SMAP1: variants seen among roughly 807,000 people sequenced by gnomAD.
SMAP1 encodes the protein small ArfGAP 1.
SMAP1 carries 24 observed loss-of-function variants against 58.5 expected under a neutral mutation model. That is an observed-to-expected ratio of 0.41 (90% confidence interval 0.30 to 0.58). The LOEUF is 0.58. Among genes scored for constraint, SMAP1 ranks in the 20% least tolerant of loss-of-function variants. SMAP1 has a pLI of 0.29. For synonymous variants in SMAP1, 216 were observed against 196.6 expected, an observed-to-expected ratio of 1.10 and a Z score of -0.82; for missense variants, 563 against 566.3, an observed-to-expected ratio of 0.99 and a Z score of 0.06.
At chr6:70,677,751 C>T (rs575087124) in intron 1 of SMAP1, among the ~76,000 whole-genome samples, 35 of 152,142 alleles carry the variant, frequency 2.3e-4, no homozygotes, top group African/African-American at 8.2e-4. Context: ...TAAAGCTTTT[C>T]ACTGATGATT....
chr6:70,853,122 A>T (rs1182844748), intron 8 of SMAP1, among the ~76,000 whole-genome samples: 1 of 152,172 alleles, frequency 6.6e-6, no homozygotes, highest in Non-Finnish European at 1.5e-5. Context: ...AAGTTCTAGC[A>T]AATTTAGTAC....
intron 1 of SMAP1, among the ~76,000 whole-genome samples, chr6:70,677,672 A>G (rs1203938597): frequency 1.3e-5 from 2 of 151,036 alleles, no homozygotes; most frequent in African/African-American, 4.9e-5. Flanking sequence ...AAAAAATTAT[A>G]TTATTGAGAG....
chr6:70,706,570 T>C (rs1767846983), intron 1 of SMAP1, among the ~76,000 whole-genome samples: 1 of 152,216 alleles, frequency 6.6e-6, no homozygotes, highest in African/African-American at 2.4e-5. Context: ...TTGGTTGTTT[T>C]ATTGGCAGAT....
chr6:70,803,754 T>TA (rs977850381), intron 6 of SMAP1, among the ~76,000 whole-genome samples: 2 of 152,012 alleles, frequency 1.3e-5, no homozygotes, highest in Non-Finnish European at 2.9e-5. Flanking sequence ...CTTTACTCAG[T>TA]AGTCATTCAG....
intron 6 of SMAP1, among the ~76,000 whole-genome samples, chr6:70,830,141 A>G (rs1770300561): frequency 6.6e-6 from 1 of 152,232 alleles, no homozygotes; most frequent in Non-Finnish European, 1.5e-5. Context: ...TTTGTTTAAT[A>G]AATTATAGAT....
At chr6:70,716,104 A>G (rs981746859) in intron 1 of SMAP1, among the ~76,000 whole-genome samples, 5 of 152,242 alleles carry the variant, frequency 3.3e-5, no homozygotes, top group African/African-American at 1.2e-4. Context: ...CATCATACAG[A>G]TACATACCAC....
At chr6:70,805,057 G>T (rs577078239) in intron 6 of SMAP1, among the ~76,000 whole-genome samples, 18 of 152,084 alleles carry the variant, frequency 1.2e-4, no homozygotes, top group African/African-American at 4.1e-4. Flanking sequence ...GTCTTGCTAG[G>T]TTGGGTACGT....
chr6:70,828,988 G>A (rs777723764), intron 6 of SMAP1, among the ~76,000 whole-genome samples: 8 of 152,314 alleles, frequency 5.3e-5, no homozygotes, highest in African/African-American at 1.2e-4. Flanking sequence ...CAAGGCTGCC[G>A]TGAGCTGCGA....
At chr6:70,753,147 A>G (rs1766346189) in intron 2 of SMAP1, among the ~76,000 whole-genome samples, 1 of 152,098 alleles carries the variant, frequency 6.6e-6, no homozygotes, top group Non-Finnish European at 1.5e-5. Context: ...TAAGAAGCAC[A>G]TCCACTTTAC....
At chr6:70,710,813 T>G (rs1028394148) in intron 1 of SMAP1, among the ~76,000 whole-genome samples, 3 of 152,206 alleles carry the variant, frequency 2.0e-5, no homozygotes, top group Non-Finnish European at 4.4e-5. Context: ...ATACAAGGCA[T>G]TTTCTTTATA....
intron 6 of SMAP1, among the ~76,000 whole-genome samples, chr6:70,812,223 G>A (rs1049639219): frequency 1.3e-5 from 2 of 152,148 alleles, no homozygotes; most frequent in African/African-American, 2.4e-5. Context: ...ATATAGTTGT[G>A]TATATGAAGA....
intron 1 of SMAP1, among the ~76,000 whole-genome samples, chr6:70,706,727 A>G (rs954757235): frequency 5.9e-5 from 9 of 152,228 alleles, no homozygotes; most frequent in African/African-American, 1.4e-4. Context: ...GGCGCTCTCT[A>G]TTAATCCAAA....
intron 1 of SMAP1, among the ~76,000 whole-genome samples, chr6:70,673,056 G>A (rs555767401): frequency 6.6e-6 from 1 of 152,236 alleles, no homozygotes; most frequent in African/African-American, 2.4e-5. Flanking sequence ...GAGGGCAAGA[G>A]GACCTAAATT....
chr6:70,695,529 G>C (rs1197462848), intron 1 of SMAP1, among the ~76,000 whole-genome samples: 1 of 152,106 alleles, frequency 6.6e-6, no homozygotes, highest in East Asian at 1.9e-4. Flanking sequence ...TTCAGTATCA[G>C]TTGAAATGAT....
intron 1 of SMAP1, among the ~76,000 whole-genome samples, chr6:70,716,500 G>T (rs1459479799): frequency 2.0e-5 from 3 of 152,140 alleles, no homozygotes; most frequent in Non-Finnish European, 4.4e-5. Context: ...ACCAGTATCT[G>T]TATTGGTCTG....
rs766458145 is a variant in SMAP1, at chr6:70,817,462, CA to C, written c.576+18727del. ...ATACAAAATAGAGTCTTCTTTTCTG[CA>C]AGCTCTTATCCATTGCTTTCAGAAA... On this transcript the variant is annotated intron_variant, in intron 6 of 10. Transcript: ENST00000370455. Among the ~76,000 whole-genome samples, 233 of 152,252 alleles carry C rather than the reference CA, an allele frequency of 1.5e-3. 3 individuals are homozygous for C. The South Asian group carries it at 0.021, about 14-fold the overall frequency.
Position 70,773,433 on chromosome 6 carries a change from A to C in SMAP1, c.414+8A>C, listed in dbSNP as rs778433964. ...GCCATAGCTATTACAAATGTAAGTA[A>C]AACCTTCATCTCTCATCAATTGTTT... On this transcript the variant is annotated splice_region_variant and intron_variant, in intron 4 of 10. Coordinates refer to ENST00000370455, the MANE Select transcript of SMAP1 (RefSeq NM_001044305.3). 1.3e-6 allele frequency: 2 copies of C among 1,483,210 alleles called. No homozygotes were observed. The highest frequency in any genetic ancestry group is 3.6e-5 in the Admixed American group (2 of 55,026). The allele number at this position is 1,483,210 out of a possible 1,614,324, so 91.9% of individuals were successfully genotyped here. A position where few individuals can be genotyped will look rare whatever the true frequency, so the allele number is the denominator to read the frequency against.
At chr6:70,719,476 T>TC (rs1373845211) in intron 1 of SMAP1, among the ~76,000 whole-genome samples, 1 of 152,220 alleles carries the variant, frequency 6.6e-6, no homozygotes, top group African/African-American at 2.4e-5. Context: ...TTTACCACAC[T>TC]TATTCTCTTT....
Position 70,861,381 on chromosome 6 carries a change from T to TA in SMAP1, c.*1048dup. On this transcript the variant is annotated 3_prime_UTR_variant, in exon 11 of 11. Transcript: ENST00000370455. ...AGAAAAAATATATACTCAAGAGTGGTATCTTGCAGTATCGGCACTGTACAA... is the reference window on the plus strand; with the variant it reads ...AGAAAAAATATATACTCAAGAGTGGTAATCTTGCAGTATCGGCACTGTACAA... 1 of 359,630 alleles carries TA rather than the reference T, an allele frequency of 2.8e-6. No individual in the cohort carries two copies. The highest frequency in any genetic ancestry group is 5.1e-6 in the Non-Finnish European group (1 of 196,278). 22.3% of individuals were successfully genotyped at this position (359,630 alleles called of 1,614,324 possible). A position where few individuals can be genotyped will look rare whatever the true frequency, so the allele number is the denominator to read the frequency against.
Sources: gnomAD v4.1 joint callset for allele counts (sites outside exome capture counted in the v4.1 genomes callset) on GRCh38, gnomAD v4.1.1 for gene constraint, MANE v1.5 for transcripts, NCBI Gene and HGNC (gene_info 2026-07-23, HGNC 2026-07-21) for gene names.